Variants in BEND7 observed in about 807,000 individuals in gnomAD.
BEND7 encodes the protein BEN domain-containing protein 7.
A neutral mutation model predicts 50.9 loss-of-function variants in BEND7; 28 were observed. That is an observed-to-expected ratio of 0.55 (90% CI 0.41 to 0.75). BEND7 has a LOEUF of 0.75. Ranked by LOEUF, BEND7 falls within the 30% of genes least tolerant of loss-of-function variation. BEND7 has a pLI of 0.00. For synonymous variants in BEND7, 170 were observed against 183.9 expected (o/e 0.92, Z 0.61); for missense variants, 477 against 491.3 (o/e 0.97, Z 0.28).
intron 2 of BEND7, among the ~76,000 whole-genome samples, chr10:13,513,428 A>T (rs1053399147): frequency 2.0e-5 from 3 of 152,188 alleles, no homozygotes; most frequent in Admixed American, 2.0e-4. Flanking sequence ...TCTCAAAAGC[A>T]ACCTTAACAT....
In BEND7 at chr10:13,441,634, C is replaced by T. The variant is rs140337202; in HGVS notation, c.*109G>A. 3,093 of 1,583,318 alleles carry T rather than the reference C, an allele frequency of 2.0e-3. 63 individuals are homozygous for T. In the South Asian group the frequency reaches 0.027, roughly 14 times the overall value. On this transcript the variant is annotated 3_prime_UTR_variant, in exon 9 of 9. Coordinates refer to ENST00000466271, the MANE Select transcript of BEND7 (RefSeq NM_001369863.1). ...CTATTTTAACACGGCGAAAGGTCAC[C>T]AATTAATCTTCTCCCTTCCCTTGGG...
chr10:13,460,587 T>C (rs1840008939), intron 6 of BEND7, among the ~76,000 whole-genome samples: 2 of 152,186 alleles, frequency 1.3e-5, no homozygotes, highest in Admixed American at 6.5e-5. Context: ...ATGACCCCCG[T>C]GTTTGGATGC....
intron 2 of BEND7, among the ~76,000 whole-genome samples, chr10:13,517,674 T>C (rs1398579460): frequency 6.6e-6 from 1 of 151,756 alleles, no homozygotes; most frequent in South Asian, 2.1e-4. Flanking sequence ...AGCCCAGGAG[T>C]TGGAAGCTTT....
At chr10:13,462,152 T>C (rs916139254) in intron 6 of BEND7, among the ~76,000 whole-genome samples, 1 of 152,116 alleles carries the variant, frequency 6.6e-6, no homozygotes, top group Admixed American at 6.5e-5. Flanking sequence ...AAATAGAACT[T>C]ACAGAAATTA....
Position 13,492,553 on chromosome 10 carries a change from A to G in BEND7, c.837+58T>C, listed in dbSNP as rs1029808098. 34 of 1,594,374 alleles carry G rather than the reference A, an allele frequency of 2.1e-5. No individual in the cohort carries two copies. In the African/African-American group the frequency reaches 3.0e-4, roughly 14 times the overall value. ...GTCAAAAGGGAAATCTATAAATACT[A>G]TAAAATTCCCAAAAGTTACATAGCA... On this transcript the variant is annotated intron_variant, in intron 5 of 8. Transcript: ENST00000466271.
chr10:13,523,491 C>G (rs182928369), intron 2 of BEND7, among the ~76,000 whole-genome samples: 1 of 152,290 alleles, frequency 6.6e-6, no homozygotes, highest in East Asian at 1.9e-4. Flanking sequence ...GATGCAGATA[C>G]TATTAAAGGG....
chr10:13,477,317 C>T (rs1254658768), intron 6 of BEND7, among the ~76,000 whole-genome samples: 1 of 152,100 alleles, frequency 6.6e-6, no homozygotes, highest in African/African-American at 2.4e-5. Flanking sequence ...CACAAGAGAT[C>T]AAGTAAGAAA....
rs540557165 is a variant in BEND7, at chr10:13,467,106, G to C, written c.1063+13793C>G. ...GCGTCAGGACAGGGCCCATGCCTCA[G>C]AGGTAGGATTCAATTTCCTGTTCTT... is the stretch of plus-strand genomic sequence containing the variant. On this transcript the variant is annotated intron_variant, in intron 6 of 8. Coordinates refer to ENST00000466271, the MANE Select transcript of BEND7 (RefSeq NM_001369863.1). Among the ~76,000 whole-genome samples the C allele has an allele frequency of 1.1e-4, 16 of 152,306 alleles. No homozygotes were observed. The South Asian group carries it at 3.3e-3, about 32-fold the overall frequency.
At chr10:13,449,596 C>A (rs1183842234) in intron 7 of BEND7, among the ~76,000 whole-genome samples, 1 of 152,196 alleles carries the variant, frequency 6.6e-6, no homozygotes, top group African/African-American at 2.4e-5. Context: ...TTTCTTAAAT[C>A]TTCGAGTTCT....
In BEND7 at chr10:13,526,993, G is replaced by T. The variant is rs77423106; in HGVS notation, c.62-772C>A. Among the ~76,000 whole-genome samples, 685 of 152,274 alleles carry T rather than the reference G, an allele frequency of 4.5e-3. 14 individuals carry two copies. The South Asian group carries it at 0.074, about 16-fold the overall frequency. ...ATTTTTGAAAAGCAGGGTCACTAAGGCATGAAAATAGAGGTTCCTCCTTAA... is the reference window on the plus strand; with the variant it reads ...ATTTTTGAAAAGCAGGGTCACTAAGTCATGAAAATAGAGGTTCCTCCTTAA... On this transcript the variant is annotated intron_variant, in intron 1 of 8. Transcript: ENST00000466271.
downstream of BEND7, among the ~76,000 whole-genome samples, chr10:13,440,195 A>G (rs536277082): frequency 2.0e-4 from 31 of 152,298 alleles, no homozygotes; most frequent in South Asian, 6.2e-3. Flanking sequence ...CTGTTCTGCC[A>G]GGATACCTCA....
intron 6 of BEND7, among the ~76,000 whole-genome samples, chr10:13,470,719 G>A (rs996897205): frequency 6.6e-6 from 1 of 152,178 alleles, no homozygotes; most frequent in Non-Finnish European, 1.5e-5. Context: ...CCCAACGGCA[G>A]GGATCCGAAT....
chr10:13,498,668 A>G (rs1214521914), intron 3 of BEND7, among the ~76,000 whole-genome samples: 1 of 152,248 alleles, frequency 6.6e-6, no homozygotes, highest in East Asian at 1.9e-4. Context: ...TTTTTAGAAG[A>G]CAAAACCAAC....
intron 8 of BEND7, chr10:13,445,995 C>T (rs1356013940): frequency 2.6e-5 from 4 of 152,132 alleles, no homozygotes; most frequent in Admixed American, 1.3e-4. Flanking sequence ...GATATGCGTG[C>T]CCTGATATTC....
At chr10:13,500,354 C>T (rs1298536534) in intron 2 of BEND7, among the ~76,000 whole-genome samples, 1 of 152,172 alleles carries the variant, frequency 6.6e-6, no homozygotes, top group Non-Finnish European at 1.5e-5. Context: ...ACAAACATGA[C>T]ATTCCCTCTT....
At chr10:13,514,350 G>A (rs2078501303) in intron 2 of BEND7, among the ~76,000 whole-genome samples, 1 of 152,180 alleles carries the variant, frequency 6.6e-6, no homozygotes, top group Non-Finnish European at 1.5e-5. Context: ...AACCCACATC[G>A]GAGGCATCCG....
At chr10:13,460,565 C>T (rs2131264354) in intron 6 of BEND7, among the ~76,000 whole-genome samples, 1 of 152,334 alleles carries the variant, frequency 6.6e-6, no homozygotes, top group South Asian at 2.1e-4. Context: ...CTTCACGCGT[C>T]CTCAATGGCA....
intron 6 of BEND7, among the ~76,000 whole-genome samples, chr10:13,460,953 G>A (rs1239911251): frequency 6.6e-6 from 1 of 152,136 alleles, no homozygotes; most frequent in Admixed American, 6.5e-5. Flanking sequence ...CAAAAATCCT[G>A]CAGTGAAATG....
At chr10:13,516,314 C>T (rs1012086512) in intron 2 of BEND7, among the ~76,000 whole-genome samples, 2 of 152,220 alleles carry the variant, frequency 1.3e-5, no homozygotes, top group African/African-American at 4.8e-5. Flanking sequence ...GGTGCTGTCC[C>T]TTGTGCCATG....
Sources: gnomAD v4.1 joint callset for allele counts (sites outside exome capture counted in the v4.1 genomes callset) on GRCh38, gnomAD v4.1.1 for gene constraint, MANE v1.5 for transcripts, NCBI Gene and HGNC (gene_info 2026-07-23, HGNC 2026-07-21) for gene names.